The following MCC variants were observed in gnomAD, a reference collection of about 807,000 sequenced individuals.
MCC encodes colorectal mutant cancer protein.
MCC carries 90 observed loss-of-function variants against 116.2 expected under a neutral mutation model. The observed-to-expected ratio is 0.77, with a 90% CI of 0.65 to 0.92. MCC has a LOEUF of 0.92. Among genes scored for constraint, MCC ranks in the 40% least tolerant of loss-of-function variants. The probability of loss-of-function intolerance (pLI) is 0.00; values close to 1 mark genes in which losing one functional copy is unlikely to be tolerated. For missense variants in MCC, 1,516 were observed against 1,312.2 expected, an observed-to-expected ratio of 1.16 and a Z score of -2.40; for synonymous variants, 578 against 510.5, an observed-to-expected ratio of 1.13 and a Z score of -1.78.
intron 1 of MCC, among the ~76,000 whole-genome samples, chr5:113,449,672 G>A (rs879389781): frequency 8.5e-5 from 13 of 152,214 alleles, no homozygotes; most frequent in Admixed American, 5.2e-4. Context: ...CAGTCATGGA[G>A]GAGGCTCAGA....
chr5:113,473,969 A>T (rs1772164388), intron 1 of MCC, among the ~76,000 whole-genome samples: 1 of 152,190 alleles, frequency 6.6e-6, no homozygotes, highest in Admixed American at 6.5e-5. Context: ...TTAGAAAGTG[A>T]TGTGAGACTT....
chr5:113,075,613 CAAAACAGACCAATCACCTCTCTGT>C (rs1226029482), intron 11 of MCC, among the ~76,000 whole-genome samples: 1 of 152,164 alleles, frequency 6.6e-6, no homozygotes, highest in Admixed American at 6.5e-5. Context: ...AGCACCCTGT[CAAAACAGACCAATCACCTCTCTGT>C]AAAACAGACC....
At chr5:113,354,890 C>T (rs72797916) in intron 2 of MCC, among the ~76,000 whole-genome samples, 14,104 of 150,812 alleles carry the variant, frequency 0.094, 905 homozygotes, top group Non-Finnish European at 0.12. Flanking sequence ...TTTGTTCTTA[C>T]GTAGAAAAAT....
At chr5:113,116,199 C>T (rs1039324362) in intron 6 of MCC, among the ~76,000 whole-genome samples, 5 of 152,178 alleles carry the variant, frequency 3.3e-5, no homozygotes, top group African/African-American at 7.2e-5. Context: ...GACCCTCATG[C>T]TAACAGGAGT....
rs568511670 is a variant in MCC, at chr5:113,434,051, G to A, written c.171-48839C>T. The A allele has an allele frequency of 9.9e-6, 16 of 1,614,086 alleles. No individual in the cohort carries two copies. Among genetic ancestry groups the A allele is most frequent in the South Asian group, 8.8e-5 (8 of 91,086 alleles). ...TCCAGCAGTGGCTGAGGATCTCGTC[G>A]ATGTGGAGCCGCCGGTTGACGTCGG... On this transcript the variant is annotated intron_variant, in intron 1 of 18. Coordinates refer to ENST00000408903, the MANE Select transcript of MCC (RefSeq NM_001085377.2). The surrounding 1 kb of genome is among the most constrained non-coding windows in gnomAD (Gnocchi z 4.2).
At chr5:113,051,842 G>A (rs1355553191) in intron 15 of MCC, among the ~76,000 whole-genome samples, 1 of 152,176 alleles carries the variant, frequency 6.6e-6, no homozygotes, top group African/African-American at 2.4e-5. Flanking sequence ...TTTCTCAGCA[G>A]TTGGATCCTA....
chr5:113,349,926 G>A (rs1230562045), intron 2 of MCC, among the ~76,000 whole-genome samples: 2 of 151,820 alleles, frequency 1.3e-5, no homozygotes, highest in Admixed American at 1.3e-4. Flanking sequence ...AATTTAAAAA[G>A]TAATCCCAAG....
At position 113,288,892 on chromosome 5, in the gene MCC, C is replaced by T. The variant is rs549897064; in HGVS notation, c.627+51627G>A. Among the ~76,000 whole-genome samples the T allele has an allele frequency of 6.6e-5, 10 of 152,072 alleles. No homozygotes were observed. The East Asian group carries it at 1.7e-3, about 26-fold the overall frequency. ...CCTGTAACATGGGAATAACAGAAGG[C>T]ACCTCAGAGTTTTAGACAAGCATGT... On this transcript the variant is annotated intron_variant, in intron 3 of 18. Coordinates refer to ENST00000408903, the MANE Select transcript of MCC (RefSeq NM_001085377.2).
chr5:113,093,600 G>C (rs983189711), intron 8 of MCC, among the ~76,000 whole-genome samples: 2 of 152,112 alleles, frequency 1.3e-5, no homozygotes, highest in African/African-American at 4.8e-5. Context: ...CAAACACAAA[G>C]AGTGTGCACA....
At chr5:113,050,031 C>T (rs1414932338) in intron 15 of MCC, among the ~76,000 whole-genome samples, 1 of 152,210 alleles carries the variant, frequency 6.6e-6, no homozygotes. Context: ...ACAATGACAG[C>T]CAGTAGCCTT....
chr5:113,200,375 G>C (rs903494642), intron 3 of MCC, among the ~76,000 whole-genome samples: 31 of 152,184 alleles, frequency 2.0e-4, no homozygotes, highest in African/African-American at 6.8e-4. Flanking sequence ...CAGGACAGCA[G>C]CTCTGTGGGT....
chr5:113,057,646 GAGGACGCATCCAA>G (rs1220510606), intron 14 of MCC, among the ~76,000 whole-genome samples: 2 of 152,210 alleles, frequency 1.3e-5, no homozygotes, highest in Admixed American at 6.5e-5. Flanking sequence ...CTGTGCATCA[GAGGACGCATCCAA>G]AGGACCCTCA....
At chr5:113,282,623 C>T (rs184479260) in intron 3 of MCC, among the ~76,000 whole-genome samples, 1 of 152,158 alleles carries the variant, frequency 6.6e-6, no homozygotes, top group Non-Finnish European at 1.5e-5. Flanking sequence ...GTCCAATGCA[C>T]TCATTTTTCC....
At chr5:113,458,731 G>A (rs995104878) in intron 1 of MCC, among the ~76,000 whole-genome samples, 1 of 152,204 alleles carries the variant, frequency 6.6e-6, no homozygotes, top group Admixed American at 6.5e-5. Context: ...GAGACAATTA[G>A]GAGTTGGGAA....
chr5:113,301,238 G>T (rs888679198), intron 3 of MCC, among the ~76,000 whole-genome samples: 34 of 152,230 alleles, frequency 2.2e-4, no homozygotes, highest in African/African-American at 8.0e-4. Flanking sequence ...GGCCAAGGCG[G>T]GTGGGTCACC....
At chr5:113,297,253 A>C (rs908242923) in intron 3 of MCC, among the ~76,000 whole-genome samples, 1 of 152,172 alleles carries the variant, frequency 6.6e-6, no homozygotes. Context: ...CTGTAATCCC[A>C]GCATTTGGGA....
intron 3 of MCC, among the ~76,000 whole-genome samples, chr5:113,319,412 T>C (rs1767364831): frequency 6.6e-6 from 1 of 152,230 alleles, no homozygotes; most frequent in Non-Finnish European, 1.5e-5. Flanking sequence ...AAGGGAATTC[T>C]ATTCTTGTCG....
intron 2 of MCC, among the ~76,000 whole-genome samples, chr5:113,354,224 T>G (rs183538520): frequency 1.4e-4 from 22 of 152,282 alleles, no homozygotes; most frequent in Non-Finnish European, 2.6e-4. Context: ...AATGCTCTGT[T>G]GCACAAGTGA....
chr5:113,351,872 C>A lies in MCC; in HGVS notation c.416-11142G>T, dbSNP rs140956019. On this transcript the variant is annotated intron_variant, in intron 2 of 18. Transcript: ENST00000408903. Reference sequence around the variant, plus strand: ...AAAATACAACTGTTCTGGGGTAAGACAGTCAAAGGAAGCTTCATTTGAAAT... The same window carrying A: ...AAAATACAACTGTTCTGGGGTAAGAAAGTCAAAGGAAGCTTCATTTGAAAT... Among the ~76,000 whole-genome samples the A allele has an allele frequency of 1.2e-4, 19 of 152,214 alleles. No homozygotes were observed. In the South Asian group the frequency reaches 3.7e-3, roughly 30 times the overall value.
Sources: allele counts gnomAD v4.1 joint callset (sites outside exome capture counted in the v4.1 genomes callset), GRCh38; gene constraint gnomAD v4.1.1; non-coding constraint Gnocchi (gnomAD v3.1); transcripts MANE v1.5; gene names NCBI Gene and HGNC (gene_info 2026-07-23, HGNC 2026-07-21).